The following ITPR2 variants were observed in gnomAD, a reference collection of about 807,000 sequenced individuals.
ITPR2 encodes the protein inositol 1,4,5-trisphosphate receptor type 2.
A neutral mutation model predicts 317.1 loss-of-function variants in ITPR2; 207 were observed. The observed-to-expected ratio is 0.65, with a 90% confidence interval of 0.58 to 0.73. The LOEUF (loss-of-function observed/expected upper bound fraction) is 0.73, where lower values mean the gene tolerates loss of function less well. ITPR2 is among the 30% of genes least tolerant of loss of function. The probability of loss-of-function intolerance (pLI) is 0.00; values close to 1 mark genes in which losing one functional copy is unlikely to be tolerated. For missense variants in ITPR2, 2,613 were observed against 3,284.0 expected, an observed-to-expected ratio of 0.80 and a Z score of 4.99; for synonymous variants, 1,156 against 1,149.1, an observed-to-expected ratio of 1.01 and a Z score of -0.12.
intron 18 of ITPR2, among the ~76,000 whole-genome samples, chr12:26,657,028 T>C (rs1265370221): frequency 6.6e-6 from 1 of 152,216 alleles, no homozygotes; most frequent in Non-Finnish European, 1.5e-5. Flanking sequence ...AGATTAAGAA[T>C]TAGCCTTTGA....
chr12:26,584,248 A>T (rs1945466911), intron 32 of ITPR2, among the ~76,000 whole-genome samples: 1 of 152,102 alleles, frequency 6.6e-6, no homozygotes, highest in Non-Finnish European at 1.5e-5. Flanking sequence ...TCTCTGTATA[A>T]GGCAACATTT....
intron 26 of ITPR2, among the ~76,000 whole-genome samples, chr12:26,620,175 T>C (rs1946460556): frequency 6.6e-6 from 1 of 152,166 alleles, no homozygotes; most frequent in Non-Finnish European, 1.5e-5. Flanking sequence ...ATGTGGAACT[T>C]AAAAGCCAAA....
chr12:26,685,055 G>A (rs1291996786), intron 11 of ITPR2, among the ~76,000 whole-genome samples: 1 of 152,136 alleles, frequency 6.6e-6, no homozygotes, highest in African/African-American at 2.4e-5. Context: ...TCTCAATAGT[G>A]TTATTATAGT....
At chr12:26,456,908 A>C (rs1203063205) in intron 45 of ITPR2, among the ~76,000 whole-genome samples, 7 of 152,148 alleles carry the variant, frequency 4.6e-5, no homozygotes, top group Non-Finnish European at 1.0e-4. Context: ...TCCTGACATC[A>C]TGATCTGCCT....
At chr12:26,359,817 GT>G (rs1938766126) in intron 55 of ITPR2, among the ~76,000 whole-genome samples, 1 of 152,076 alleles carries the variant, frequency 6.6e-6, no homozygotes, top group African/African-American at 2.4e-5. Context: ...CCGGATGTGA[GT>G]TTTCAAACCT....
At chr12:26,817,744 C>T (rs530461241) in intron 1 of ITPR2, among the ~76,000 whole-genome samples, 5 of 152,174 alleles carry the variant, frequency 3.3e-5, no homozygotes, top group Admixed American at 6.5e-5. Flanking sequence ...TTGAGGACAT[C>T]TGGAGAACTG....
chr12:26,686,767 A>G, intron 10 of ITPR2, 135 bp from the exon 11 acceptor site: 1 of 755,582 alleles, frequency 1.3e-6, no homozygotes, highest in Non-Finnish European at 2.1e-6. Context: ...CATCATCCAG[A>G]AACACTAGCT....
intron 48 of ITPR2, among the ~76,000 whole-genome samples, chr12:26,432,727 A>G (rs912204834): frequency 6.6e-6 from 1 of 151,528 alleles, no homozygotes; most frequent in African/African-American, 2.4e-5. Flanking sequence ...GAACTCCTGG[A>G]TTCTTATTTT....
chr12:26,510,104 T>C (rs1359013840), intron 37 of ITPR2, among the ~76,000 whole-genome samples: 1 of 151,950 alleles, frequency 6.6e-6, no homozygotes, highest in Non-Finnish European at 1.5e-5. Flanking sequence ...ATTCAAAATG[T>C]TGCTCTCATC....
chr12:26,728,373 A>C (rs1323651533), intron 2 of ITPR2, among the ~76,000 whole-genome samples: 3 of 152,178 alleles, frequency 2.0e-5, no homozygotes, highest in Non-Finnish European at 4.4e-5. Flanking sequence ...ACTCTATCTG[A>C]AGTACAAAGT....
At position 26,435,992 on chromosome 12, in the gene ITPR2, T is replaced by A. The variant is rs548219366; in HGVS notation, c.6769+229A>T. 1.1e-4 allele frequency among the ~76,000 whole-genome samples: 17 copies of A among 152,316 alleles called. No individual in the cohort carries two copies. In the South Asian group the frequency reaches 1.4e-3, roughly 13 times the overall value. ...ATGACAAATCTTTTCATTGCTTTAT[T>A]TGCCAAGATATAATATAGCTCTAAT... On this transcript the variant is annotated intron_variant, in intron 48 of 56. Transcript: ENST00000381340.
At chr12:26,495,471 G>A (rs1371904404) in intron 37 of ITPR2, 1 of 477,858 alleles carries the variant, frequency 2.1e-6, no homozygotes, top group Non-Finnish European at 3.7e-6. Context: ...AAGAGGGTGG[G>A]AGAAGCTTTT....
chr12:26,451,365 TCA>T (rs57642539), intron 45 of ITPR2, among the ~76,000 whole-genome samples: 3,827 of 136,316 alleles, frequency 0.028, 129 homozygotes, highest in East Asian at 0.17. Flanking sequence ...TTCTCTCATA[TCA>T]CACACACACA....
intron 5 of ITPR2, 106 bp downstream of exon 5, chr12:26,722,291 G>T: frequency 3.2e-6 from 3 of 948,204 alleles, no homozygotes; most frequent in Non-Finnish European, 4.7e-6. Flanking sequence ...ATCAGGTATT[G>T]AGTAAAAACT....
chr12:26,519,614 T>C (rs187122164), intron 37 of ITPR2, among the ~76,000 whole-genome samples: 1 of 152,308 alleles, frequency 6.6e-6, no homozygotes, highest in East Asian at 1.9e-4. Flanking sequence ...GAGACAAAGA[T>C]GTTCATTACC....
At chr12:26,466,674 A>G (rs1942177376) in intron 45 of ITPR2, among the ~76,000 whole-genome samples, 1 of 152,228 alleles carries the variant, frequency 6.6e-6, no homozygotes, top group South Asian at 2.1e-4. Context: ...TTACTTTGCA[A>G]ATGCAGCTCA....
At chr12:26,767,661 AT>A (rs1277483895) in intron 2 of ITPR2, among the ~76,000 whole-genome samples, 1 of 152,234 alleles carries the variant, frequency 6.6e-6, no homozygotes, top group African/African-American at 2.4e-5. Flanking sequence ...CCAGAAACGT[AT>A]TATATACACA....
chr12:26,418,739 A>G (rs1003951242), intron 50 of ITPR2, among the ~76,000 whole-genome samples: 3 of 152,124 alleles, frequency 2.0e-5, no homozygotes, highest in Non-Finnish European at 4.4e-5. Flanking sequence ...GAGAATCTTT[A>G]AATGTAAAGG....
At chr12:26,405,014 A>G (rs1160061570) in intron 52 of ITPR2, among the ~76,000 whole-genome samples, 1 of 152,088 alleles carries the variant, frequency 6.6e-6, no homozygotes, top group Non-Finnish European at 1.5e-5. Flanking sequence ...CAAGCCTGTA[A>G]TCCCAGCTAC....
Sources: allele counts gnomAD v4.1 joint callset (sites outside exome capture counted in the v4.1 genomes callset), GRCh38; gene constraint gnomAD v4.1.1; transcripts MANE v1.5; gene names NCBI Gene and HGNC (gene_info 2026-07-23, HGNC 2026-07-21).